The following NBAS variants were observed in gnomAD, a reference collection of about 807,000 sequenced individuals.
NBAS encodes the protein NBAS subunit of NRZ tethering complex.
Under a neutral mutation model 302.5 loss-of-function variants are expected in NBAS, and 219 were observed. The observed-to-expected ratio is 0.72, with a 90% CI of 0.65 to 0.81. The LOEUF is 0.81. NBAS is among the 30% of genes least tolerant of loss of function. The pLI, the probability that NBAS is intolerant of heterozygous loss-of-function variation, is 0.00. For missense variants in NBAS, 2,932 were observed against 2,841.6 expected, an observed-to-expected ratio of 1.03 and a Z score of -0.72; for synonymous variants, 1,118 against 1,021.6, an observed-to-expected ratio of 1.09 and a Z score of -1.80.
chr2:15,538,892 G>C (rs949402100), intron 7 of NBAS, among the ~76,000 whole-genome samples: 2 of 151,974 alleles, frequency 1.3e-5, no homozygotes, highest in Admixed American at 1.3e-4. Context: ...ATTTCCTGTA[G>C]GGTAACGAAT....
chr2:15,560,501 G>T (rs896558148), intron 1 of NBAS, among the ~76,000 whole-genome samples: 1 of 151,852 alleles, frequency 6.6e-6, no homozygotes, highest in African/African-American at 2.4e-5. Context: ...AACGTTTACG[G>T]GACTGTCTCC....
the NBAS span, among the ~76,000 whole-genome samples, chr2:15,081,897 C>A: frequency 6.6e-6 from 1 of 152,162 alleles, no homozygotes; most frequent in East Asian, 1.9e-4. Flanking sequence ...TGGAGTCAGG[C>A]ACATGTGGGT....
intron 47 of NBAS, among the ~76,000 whole-genome samples, chr2:15,219,303 A>ATTTTTTTTTTTCTTT (rs1666809874): frequency 6.9e-6 from 1 of 144,120 alleles, no homozygotes; most frequent in African/African-American, 2.6e-5. Context: ...CATTCTAGTA[A>ATTTTTTTTTTTCTTT]TTTTTTTTTT....
At chr2:15,225,638 G>A (rs1667121494) in intron 47 of NBAS, among the ~76,000 whole-genome samples, 1 of 152,166 alleles carries the variant, frequency 6.6e-6, no homozygotes, top group African/African-American at 2.4e-5. Flanking sequence ...GGCAGCTGAA[G>A]CTGAGACTGT....
chr2:15,528,834 T>G (rs1443953302), intron 9 of NBAS, among the ~76,000 whole-genome samples: 3 of 143,188 alleles, frequency 2.1e-5, no homozygotes, highest in Non-Finnish European at 4.5e-5. Context: ...GCCATTGCAC[T>G]TTAGCCTGGG....
chr2:15,478,209 C>T lies in NBAS; in HGVS notation c.1147+17G>A, dbSNP rs1680272310. On this transcript the variant is annotated intron_variant, in intron 13 of 51. Coordinates refer to ENST00000281513, the MANE Select transcript of NBAS (RefSeq NM_015909.4). ...GAGTATATTAAGGTTTCAATTATCA[C>T]ATTTCGTAGAACTCACCTTTGATTT... is the stretch of plus-strand genomic sequence containing the variant. 3 of 1,532,058 alleles carry T rather than the reference C, an allele frequency of 2.0e-6. No homozygotes were observed. Among genetic ancestry groups the T allele is most frequent in the Non-Finnish European group, 2.7e-6 (3 of 1,105,590 alleles). The allele number at this position is 1,532,058 out of a possible 1,614,324, so 94.9% of individuals were successfully genotyped here. A position where few individuals can be genotyped will look rare whatever the true frequency, so the allele number is the denominator to read the frequency against.
At chr2:15,112,137 A>C in the NBAS span, among the ~76,000 whole-genome samples, 2 of 151,604 alleles carry the variant, frequency 1.3e-5, no homozygotes, top group Non-Finnish European at 2.9e-5. Flanking sequence ...GATAAAAATC[A>C]TAACTTACTA....
chr2:15,218,377 C>G (rs6732844), intron 48 of NBAS, among the ~76,000 whole-genome samples: 29,434 of 152,150 alleles, frequency 0.19, 3,521 homozygotes, highest in East Asian at 0.45. Flanking sequence ...AGATGATTAT[C>G]CAGTTGACAG....
intron 33 of NBAS, among the ~76,000 whole-genome samples, chr2:15,355,797 G>A (rs1572709441): frequency 6.6e-6 from 1 of 152,096 alleles, no homozygotes; most frequent in Non-Finnish European, 1.5e-5. Flanking sequence ...CTTCCCGGAG[G>A]CAGATGCTGC....
chr2:14,815,929 T>C, the NBAS span, among the ~76,000 whole-genome samples: 1 of 152,188 alleles, frequency 6.6e-6, no homozygotes, highest in South Asian at 2.1e-4. Context: ...ACATTGGTAA[T>C]TAAATACTAA....
At chr2:15,251,028 G>T (rs1668342604) in intron 44 of NBAS, among the ~76,000 whole-genome samples, 1 of 152,080 alleles carries the variant, frequency 6.6e-6, no homozygotes, top group African/African-American at 2.4e-5. Context: ...CTGAGGCACT[G>T]TTCACAACAG....
At chr2:15,330,094 A>G (rs1672253834) in intron 36 of NBAS, among the ~76,000 whole-genome samples, 1 of 152,172 alleles carries the variant, frequency 6.6e-6, no homozygotes, top group South Asian at 2.1e-4. Flanking sequence ...GTTTGAGGTG[A>G]ACTGCTAATA....
At chr2:15,181,232 A>T (rs1025739462) in intron 50 of NBAS, among the ~76,000 whole-genome samples, 4 of 152,196 alleles carry the variant, frequency 2.6e-5, no homozygotes, top group Admixed American at 2.0e-4. Context: ...TGATATTTAG[A>T]CATAGCATGA....
At chr2:15,379,538 C>CA in intron 30 of NBAS, 64 bp downstream of exon 30, 3 of 1,455,116 alleles carry the variant, frequency 2.1e-6, no homozygotes, top group Non-Finnish European at 2.9e-6. Context: ...AAAAGAATAA[C>CA]AATGCAGTTT....
At chr2:14,960,714 A>T in the NBAS span, among the ~76,000 whole-genome samples, 1 of 152,212 alleles carries the variant, frequency 6.6e-6, no homozygotes, top group Non-Finnish European at 1.5e-5. Context: ...GAGGAAAAAA[A>T]TAAGGTAGGT....
At chr2:15,034,000 G>GAAT in the NBAS span, among the ~76,000 whole-genome samples, 1 of 43,536 alleles carries the variant, frequency 2.3e-5, no homozygotes, top group East Asian at 3.0e-3. Context: ...AGAAGAAGAA[G>GAAT]AAGAAGAAGA....
intron 32 of NBAS, among the ~76,000 whole-genome samples, chr2:15,362,792 G>T (rs1408058247): frequency 1.3e-5 from 2 of 152,136 alleles, no homozygotes; most frequent in African/African-American, 4.8e-5. Flanking sequence ...GGGTGGTATT[G>T]TGAAGGTTAT....
intron 11 of NBAS, among the ~76,000 whole-genome samples, chr2:15,492,706 C>T (rs919596605): frequency 3.3e-5 from 5 of 152,150 alleles, no homozygotes; most frequent in African/African-American, 1.2e-4. Context: ...AGTGATCTGC[C>T]TGCCTCGGCC....
chr2:15,225,317 T>C (rs1479650863), intron 47 of NBAS, among the ~76,000 whole-genome samples: 1 of 152,088 alleles, frequency 6.6e-6, no homozygotes, highest in Admixed American at 6.5e-5. Context: ...GATACAGAAA[T>C]ATTGCGGTAA....
Sources: allele counts gnomAD v4.1 joint callset (sites outside exome capture counted in the v4.1 genomes callset), GRCh38; gene constraint gnomAD v4.1.1; transcripts MANE v1.5; gene names NCBI Gene and HGNC (gene_info 2026-07-23, HGNC 2026-07-21).